Variants in ARIH1 observed in about 807,000 individuals in gnomAD.
The protein encoded by ARIH1 is ariadne RBR E3 ubiquitin protein ligase 1.
A neutral mutation model predicts 85.0 loss-of-function variants in ARIH1; 8 were observed. That is an observed-to-expected ratio of 0.09 (90% confidence interval 0.06 to 0.17). The LOEUF (loss-of-function observed/expected upper bound fraction) is 0.17, where lower values mean the gene tolerates loss of function less well. Among genes scored for constraint, ARIH1 ranks in the 10% least tolerant of loss-of-function variants. The pLI, the probability that ARIH1 is intolerant of heterozygous loss-of-function variation, is 1.00. For missense variants in ARIH1, 311 were observed against 718.1 expected (o/e 0.43, Z 6.48); for synonymous variants, 238 against 253.6 (o/e 0.94, Z 0.59).
intron 7 of ARIH1, among the ~76,000 whole-genome samples, chr15:72,564,920 G>A (rs1595871332): frequency 1.3e-5 from 2 of 152,132 alleles, no homozygotes; most frequent in South Asian, 2.1e-4. Flanking sequence ...TGTCACATTG[G>A]TTATTAAGTT....
rs1349194547 is a variant in ARIH1, at chr15:72,569,941, A to G, written c.1027-236A>G. ...GCAATGTAGTGAGACTCTGTTTCTA[A>G]GTTTAAAAAAACAAGTCCTTAAATT... is the stretch of plus-strand genomic sequence containing the variant. On this transcript the variant is annotated intron_variant, in intron 9 of 13. Transcript: ENST00000379887. Among the ~76,000 whole-genome samples, 5 of 152,308 alleles carry G rather than the reference A, an allele frequency of 3.3e-5. No individual in the cohort carries two copies. In the South Asian group the frequency reaches 1.0e-3, roughly 32 times the overall value.
chr15:72,500,015 C>A (rs753162155), intron 1 of ARIH1, among the ~76,000 whole-genome samples: 2 of 152,106 alleles, frequency 1.3e-5, no homozygotes, highest in Non-Finnish European at 2.9e-5. Flanking sequence ...GTTGGAAACT[C>A]TAGATTAGAA....
chr15:72,489,195 C>G (rs536427545), intron 1 of ARIH1, among the ~76,000 whole-genome samples: 1 of 147,068 alleles, frequency 6.8e-6, no homozygotes, highest in South Asian at 2.1e-4. Context: ...CTGTAGTAAG[C>G]CGAGATTGTG....
chr15:72,499,575 G>C (rs1390766674), intron 1 of ARIH1, among the ~76,000 whole-genome samples: 1 of 152,130 alleles, frequency 6.6e-6, no homozygotes, highest in East Asian at 1.9e-4. Context: ...TTGAATGTTT[G>C]TTTTTATGGT....
intron 11 of ARIH1, 67 bp downstream of exon 11, chr15:72,572,232 G>T (rs746779799): frequency 2.1e-5 from 22 of 1,067,352 alleles, no homozygotes; most frequent in African/African-American, 3.8e-5. Flanking sequence ...ATTCATTAGA[G>T]AATAATTTTT....
chr15:72,549,611 G>A (rs1466881797), intron 3 of ARIH1, among the ~76,000 whole-genome samples: 3 of 152,030 alleles, frequency 2.0e-5, no homozygotes, highest in African/African-American at 7.2e-5. Flanking sequence ...CAAGGGAACC[G>A]ATTCCCAGGT....
At position 72,587,322 on chromosome 15, in the gene ARIH1, T is replaced by A. The variant is rs757195293; in HGVS notation, c.*4030T>A. 2 of 503,086 alleles carry A rather than the reference T, an allele frequency of 4.0e-6. No individual in the cohort carries two copies. Among genetic ancestry groups the A allele is most frequent in the South Asian group, 1.5e-5 (1 of 68,220 alleles). The allele number at this position is 503,086 out of a possible 1,614,324, so 31.2% of individuals were successfully genotyped here. A position where few individuals can be genotyped will look rare whatever the true frequency, so the allele number is the denominator to read the frequency against. On this transcript the variant is annotated 3_prime_UTR_variant, in exon 14 of 14. Transcript: ENST00000379887. ...GTAGTTCTTAACTATATTGTACTTT[T>A]AAACCACATTAAAGACTATTATAAA...
At chr15:72,558,521 C>T (rs1438246578) in intron 5 of ARIH1, among the ~76,000 whole-genome samples, 4 of 152,164 alleles carry the variant, frequency 2.6e-5, no homozygotes, top group African/African-American at 4.8e-5. Flanking sequence ...AGGCTGTTCT[C>T]GAACTCCTGA....
intron 1 of ARIH1, among the ~76,000 whole-genome samples, chr15:72,485,170 T>C (rs1000568477): frequency 6.6e-6 from 1 of 152,192 alleles, no homozygotes; most frequent in Non-Finnish European, 1.5e-5. Context: ...ACTCTACCGA[T>C]TTTTTCTACA....
chr15:72,517,429 ATT>A (rs386383464), intron 1 of ARIH1, among the ~76,000 whole-genome samples: 2 of 146,564 alleles, frequency 1.4e-5, no homozygotes, highest in African/African-American at 2.5e-5. Context: ...TTTAAAACAA[ATT>A]TTTTTTTTTT....
intron 1 of ARIH1, among the ~76,000 whole-genome samples, chr15:72,479,557 C>T (rs1158729642): frequency 5.3e-5 from 8 of 151,822 alleles, no homozygotes; most frequent in South Asian, 2.1e-4. Flanking sequence ...TACAGGTGCG[C>T]GCCACCACAC....
In ARIH1 at chr15:72,543,131, C is replaced by T. The variant is rs375311826; in HGVS notation, c.444-1689C>T. Among the ~76,000 whole-genome samples, 141 of 151,952 alleles carry T rather than the reference C, an allele frequency of 9.3e-4. 1 individual carries two copies. In the South Asian group the frequency reaches 0.028, roughly 30 times the overall value. ...TGTATTTTTAGTAGAGATGGGGTTT[C>T]ACCATGTTGGCCAGGCTGGTTTTGA... On this transcript the variant is annotated intron_variant, in intron 2 of 13. Transcript: ENST00000379887.
chr15:72,571,129 CAAAAAAAA>C (rs56376097), intron 10 of ARIH1, among the ~76,000 whole-genome samples: 19 of 61,476 alleles, frequency 3.1e-4, no homozygotes, highest in South Asian at 1.9e-3. Flanking sequence ...AACTGTGTCT[CAAAAAAAA>C]AAAAAAAAAA....
At chr15:72,567,011 T>A in intron 8 of ARIH1, 95 bp from the exon 9 acceptor site, 1 of 894,684 alleles carries the variant, frequency 1.1e-6, no homozygotes, top group Non-Finnish European at 1.7e-6. Context: ...ATTCATTGGC[T>A]TTTACATTTA....
At chr15:72,563,924 C>T (rs1264850861) in intron 7 of ARIH1, among the ~76,000 whole-genome samples, 1 of 152,116 alleles carries the variant, frequency 6.6e-6, no homozygotes, top group African/African-American at 2.4e-5. Context: ...CTCCTCTCGC[C>T]CAGCTTTCTT....
chr15:72,577,023 C>T (rs1331934358), intron 11 of ARIH1, among the ~76,000 whole-genome samples: 2 of 151,046 alleles, frequency 1.3e-5, no homozygotes, highest in African/African-American at 2.4e-5. Context: ...GCTCTTGTTA[C>T]TCAGGCTGGA....
rs2064308048 is a variant in ARIH1, at chr15:72,584,496, A to AC, written c.*1205dup. 6.6e-6 allele frequency: 1 copy of AC among 151,996 alleles called. No individual in the cohort carries two copies. Among genetic ancestry groups the AC allele is most frequent in the Non-Finnish European group, 1.5e-5 (1 of 67,990 alleles). The allele number at this position is 151,996 out of a possible 1,614,324, so 9.4% of individuals were successfully genotyped here. A position where few individuals can be genotyped will look rare whatever the true frequency, so the allele number is the denominator to read the frequency against. On this transcript the variant is annotated 3_prime_UTR_variant, in exon 14 of 14. Coordinates refer to ENST00000379887, the MANE Select transcript of ARIH1 (RefSeq NM_005744.5). ...TGGCTCGTCTGCTCACCCCTTCTCT[A>AC]CATTAGGGTGTCAAAGAGAATGTTT... is the stretch of plus-strand genomic sequence containing the variant.
At chr15:72,535,012 G>A (rs1434704429) in intron 2 of ARIH1, among the ~76,000 whole-genome samples, 2 of 121,556 alleles carry the variant, frequency 1.6e-5, no homozygotes, top group Admixed American at 1.1e-4. Context: ...GTGCAGTGGC[G>A]CAATCTCGGC....
At chr15:72,553,510 G>A (rs555417232) in intron 3 of ARIH1, among the ~76,000 whole-genome samples, 2 of 152,066 alleles carry the variant, frequency 1.3e-5, no homozygotes, top group Admixed American at 1.3e-4. Context: ...TAACCCCCCA[G>A]GAGATAACTT....
Sources: allele counts gnomAD v4.1 joint callset (sites outside exome capture counted in the v4.1 genomes callset), GRCh38; gene constraint gnomAD v4.1.1; transcripts MANE v1.5; gene names NCBI Gene and HGNC (gene_info 2026-07-23, HGNC 2026-07-21).